COX7B2: variants seen among roughly 807,000 people sequenced by gnomAD.
COX7B2 encodes the protein cytochrome c oxidase subunit 7B2, mitochondrial.
For synonymous variants in COX7B2, 37 were observed against 32.1 expected (o/e 1.15, Z -0.51); for missense variants, 109 against 95.9 (o/e 1.14, Z -0.57).
intron 2 of COX7B2, among the ~76,000 whole-genome samples, chr4:46,810,446 G>T (rs1482535433): frequency 6.6e-6 from 1 of 151,766 alleles, no homozygotes; most frequent in Non-Finnish European, 1.5e-5. Flanking sequence ...GCTGATGTAG[G>T]TTTTTTGTGT....
intron 2 of COX7B2, among the ~76,000 whole-genome samples, chr4:46,760,982 CTGG>C (rs1716114803): frequency 6.6e-6 from 1 of 152,142 alleles, no homozygotes; most frequent in Non-Finnish European, 1.5e-5. Context: ...TGCCTTCCTA[CTGG>C]ACTTCCTGGG....
intron 2 of COX7B2, among the ~76,000 whole-genome samples, chr4:46,763,549 G>T (rs1716349054): frequency 6.7e-6 from 1 of 149,978 alleles, no homozygotes; most frequent in African/African-American, 2.5e-5. Context: ...TCATGCACAT[G>T]TTTATAATTC....
At chr4:46,779,372 T>C (rs998502221) in intron 2 of COX7B2, among the ~76,000 whole-genome samples, 4 of 152,222 alleles carry the variant, frequency 2.6e-5, no homozygotes, top group Admixed American at 2.0e-4. Flanking sequence ...TAAGGTTGAA[T>C]AATATTCCGT....
At chr4:46,751,313 C>T (rs549045752) in intron 2 of COX7B2, among the ~76,000 whole-genome samples, 5 of 151,126 alleles carry the variant, frequency 3.3e-5, no homozygotes, top group Non-Finnish European at 7.4e-5. Flanking sequence ...CAAAAGCATA[C>T]ATATGAACTT....
chr4:46,832,088 G>C (rs1418629562), intron 2 of COX7B2, among the ~76,000 whole-genome samples: 2 of 152,176 alleles, frequency 1.3e-5, no homozygotes, highest in African/African-American at 2.4e-5. Context: ...ATAAAAGCAA[G>C]CTGCCCCAGC....
At chr4:46,829,327 G>C (rs1714913500) in intron 2 of COX7B2, among the ~76,000 whole-genome samples, 1 of 152,002 alleles carries the variant, frequency 6.6e-6, no homozygotes, top group Non-Finnish European at 1.5e-5. Flanking sequence ...ATGTTATCTA[G>C]TAATAATCTA....
chr4:46,741,398 TC>T (rs1415012014), intron 2 of COX7B2, among the ~76,000 whole-genome samples: 1 of 151,976 alleles, frequency 6.6e-6, no homozygotes, highest in Non-Finnish European at 1.5e-5. Context: ...AGCAGTAGTA[TC>T]CCCCAGTTTT....
At chr4:46,872,583 C>G (rs541049246) in intron 1 of COX7B2, among the ~76,000 whole-genome samples, 1 of 152,162 alleles carries the variant, frequency 6.6e-6, no homozygotes, top group Non-Finnish European at 1.5e-5. Flanking sequence ...TGTCCTTCAT[C>G]ATCATTGCTT....
chr4:46,786,866 T>C (rs1003382663), intron 2 of COX7B2, among the ~76,000 whole-genome samples: 2 of 152,254 alleles, frequency 1.3e-5, no homozygotes, highest in Middle Eastern at 3.4e-3. Context: ...GAGAGTATGA[T>C]AGGAGGATAG....
intron 2 of COX7B2, among the ~76,000 whole-genome samples, chr4:46,787,765 G>A (rs73245862): frequency 1.1e-4 from 17 of 152,330 alleles, no homozygotes; most frequent in Non-Finnish European, 2.4e-4. Context: ...GGCTGGAGAT[G>A]AATTCTGTAA....
chr4:46,804,025 G>T (rs536651143), intron 2 of COX7B2, among the ~76,000 whole-genome samples: 1 of 152,212 alleles, frequency 6.6e-6, no homozygotes, highest in South Asian at 2.1e-4. Context: ...TGTTCCTTCT[G>T]ATGTTCGGAT....
At chr4:46,762,138 T>TATGATAATAATATACATATAATAATA (rs1173342204) in intron 2 of COX7B2, among the ~76,000 whole-genome samples, 1 of 104,170 alleles carries the variant, frequency 9.6e-6, no homozygotes, top group Non-Finnish European at 2.1e-5. Flanking sequence ...TTCATATGTA[T>TATGATAATAATATACATATAATAATA]ATGAAGATAA....
intron 1 of COX7B2, among the ~76,000 whole-genome samples, chr4:46,860,892 C>A (rs565133945): frequency 6.6e-6 from 1 of 152,192 alleles, no homozygotes; most frequent in Non-Finnish European, 1.5e-5. Flanking sequence ...CCAACGTGGT[C>A]TTTGGGGTTC....
intron 2 of COX7B2, among the ~76,000 whole-genome samples, chr4:46,764,835 G>A (rs1716431839): frequency 6.6e-6 from 1 of 150,862 alleles, no homozygotes; most frequent in Non-Finnish European, 1.5e-5. Context: ...AAAGAGAAAA[G>A]AATCAAAGCA....
chr4:46,760,227 A>G (rs1157027997), intron 2 of COX7B2, among the ~76,000 whole-genome samples: 1 of 152,220 alleles, frequency 6.6e-6, no homozygotes, highest in Non-Finnish European at 1.5e-5. Flanking sequence ...AAAGGATTAT[A>G]AATCATTCTA....
chr4:46,815,653 TA>T (rs927164967), intron 2 of COX7B2, among the ~76,000 whole-genome samples: 13 of 148,678 alleles, frequency 8.7e-5, no homozygotes, highest in Middle Eastern at 3.4e-3. Context: ...ATTAAGAACT[TA>T]AAAAAAAAAG....
chr4:46,739,798 T>C (rs546584278), intron 2 of COX7B2, among the ~76,000 whole-genome samples: 158 of 152,036 alleles, frequency 1.0e-3, no homozygotes, highest in African/African-American at 3.7e-3. Flanking sequence ...GTAATAAGCA[T>C]TGAAGCAACA....
chr4:46,736,493 T>A (rs531829181), intron 2 of COX7B2, among the ~76,000 whole-genome samples: 171 of 152,252 alleles, frequency 1.1e-3, no homozygotes, highest in African/African-American at 3.6e-3. Context: ...AAAGGTCATT[T>A]CCTGAGGAAG....
At chr4:46,872,635 C>T (rs1296961664) in intron 1 of COX7B2, among the ~76,000 whole-genome samples, 4 of 152,078 alleles carry the variant, frequency 2.6e-5, no homozygotes, top group Admixed American at 6.5e-5. Context: ...CAAATTATGT[C>T]AATAGAGCAG....
Sources: allele counts gnomAD v4.1 joint callset (sites outside exome capture counted in the v4.1 genomes callset), GRCh38; gene constraint gnomAD v4.1.1; transcripts MANE v1.5; gene names NCBI Gene and HGNC (gene_info 2026-07-23, HGNC 2026-07-21).